Variants in PTGER3 observed in about 807,000 individuals in gnomAD.
PTGER3 encodes prostaglandin E2 receptor EP3 subtype.
In PTGER3, 22 loss-of-function variants were observed where a neutral mutation model predicts 34.7. The ratio of observed to expected loss-of-function variants is 0.63; its 90% CI spans 0.45 to 0.91. PTGER3 has a LOEUF of 0.91. Among genes scored for constraint, PTGER3 ranks in the 40% least tolerant of loss-of-function variants. PTGER3 has a pLI of 0.00. For missense variants in PTGER3, 468 were observed against 519.4 expected (o/e 0.90, Z 0.96); for synonymous variants, 241 against 230.1 (o/e 1.05, Z -0.43).
chr1:71,032,265 C>T (rs1374622808), intron 1 of PTGER3, among the ~76,000 whole-genome samples: 1 of 152,052 alleles, frequency 6.6e-6, no homozygotes, highest in Admixed American at 6.6e-5. Flanking sequence ...GGAAAATTCT[C>T]TGAGCCTGAA....
chr1:71,042,326 G>T (rs539315931), intron 1 of PTGER3, among the ~76,000 whole-genome samples: 1 of 150,938 alleles, frequency 6.6e-6, no homozygotes, highest in African/African-American at 2.4e-5. Flanking sequence ...ATGAAATGAG[G>T]TTATGCCAAT....
intron 2 of PTGER3, among the ~76,000 whole-genome samples, chr1:70,956,650 C>T (rs1651366084): frequency 6.6e-6 from 1 of 152,156 alleles, no homozygotes; most frequent in Non-Finnish European, 1.5e-5. Context: ...GTGCCAACAA[C>T]TGGACTATGG....
chr1:70,955,536 A>C (rs983284980), intron 2 of PTGER3, among the ~76,000 whole-genome samples: 4 of 152,112 alleles, frequency 2.6e-5, no homozygotes, highest in Non-Finnish European at 5.9e-5. Flanking sequence ...GAAGGGAGAG[A>C]GGGGAAAAGT....
intron 4 of PTGER3, among the ~76,000 whole-genome samples, chr1:70,864,015 C>T (rs1224229940): frequency 6.6e-6 from 1 of 152,012 alleles, no homozygotes; most frequent in Non-Finnish European, 1.5e-5. Flanking sequence ...GCAGTGGGGA[C>T]GATCATTCTT....
intron 1 of PTGER3, among the ~76,000 whole-genome samples, chr1:71,046,434 G>GC (rs1660821073): frequency 6.6e-6 from 1 of 152,144 alleles, no homozygotes; most frequent in African/African-American, 2.4e-5. Context: ...AATGTGAGCA[G>GC]CCCTGTGATC....
chr1:70,987,581 C>A (rs1655042497), intron 2 of PTGER3, among the ~76,000 whole-genome samples: 1 of 152,180 alleles, frequency 6.6e-6, no homozygotes, highest in African/African-American at 2.4e-5. Context: ...GATCTCTATG[C>A]ACTTCAGTGT....
intron 2 of PTGER3, among the ~76,000 whole-genome samples, chr1:71,004,363 T>C (rs1439408152): frequency 2.0e-5 from 3 of 152,174 alleles, no homozygotes. Flanking sequence ...TGAACTCTGT[T>C]ATCAAAATGT....
At chr1:70,864,588 T>C (rs1046576350) in intron 4 of PTGER3, among the ~76,000 whole-genome samples, 1 of 152,200 alleles carries the variant, frequency 6.6e-6, no homozygotes, top group African/African-American at 2.4e-5. Flanking sequence ...ATACCCTGTG[T>C]GTAAGACACT....
At chr1:70,884,870 GTCTT>G (rs1359166098) in intron 4 of PTGER3, among the ~76,000 whole-genome samples, 1 of 152,100 alleles carries the variant, frequency 6.6e-6, no homozygotes. Flanking sequence ...ATATTTAGGT[GTCTT>G]TCTATGTAAA....
chr1:70,868,752 T>C (rs35755730), intron 4 of PTGER3, among the ~76,000 whole-genome samples: 6,055 of 152,308 alleles, frequency 0.04, 263 homozygotes, highest in East Asian at 0.13. Flanking sequence ...AACTCATGCA[T>C]GAGTTCCAAT....
At chr1:71,040,306 A>T (rs1404149049) in intron 1 of PTGER3, among the ~76,000 whole-genome samples, 1 of 152,160 alleles carries the variant, frequency 6.6e-6, no homozygotes, top group East Asian at 1.9e-4. Context: ...TGGTTGCTCA[A>T]GTATTCAGTC....
intron 3 of PTGER3, chr1:70,953,734 C>T: frequency 6.5e-7 from 1 of 1,538,160 alleles, no homozygotes; most frequent in South Asian, 1.2e-5. Flanking sequence ...TCAAATGCAA[C>T]TAGTTTTAAT....
At position 70,856,471 on chromosome 1, in the gene PTGER3, T is replaced by C. The variant is rs529203595; in HGVS notation, c.*24-3612A>G. 1.1e-4 allele frequency among the ~76,000 whole-genome samples: 16 copies of C among 145,344 alleles called. No individual in the cohort carries two copies. The South Asian group carries it at 1.7e-3, about 16-fold the overall frequency. On this transcript the variant is annotated intron_variant, in intron 4 of 4. Transcript: ENST00000370931. The stretch of plus-strand genomic sequence containing the variant: ...AAAAAAAAAAAAAAGCAGACATTGA[T>C]AGTAACATCAGCATCAAAACAGAGT...
At chr1:70,888,753 ATT>A (rs61080121) in intron 4 of PTGER3, among the ~76,000 whole-genome samples, 7,399 of 149,986 alleles carry the variant, frequency 0.049, 423 homozygotes, top group East Asian at 0.22. Flanking sequence ...GAATTTGGGG[ATT>A]TTTTTTTTCT....
chr1:70,955,833 C>T (rs954001126), intron 2 of PTGER3, among the ~76,000 whole-genome samples: 1 of 152,190 alleles, frequency 6.6e-6, no homozygotes, highest in Non-Finnish European at 1.5e-5. Flanking sequence ...GAAATATATT[C>T]TAGGGTCACT....
chr1:70,934,705 A>T (rs1649037954), intron 4 of PTGER3, among the ~76,000 whole-genome samples: 1 of 152,178 alleles, frequency 6.6e-6, no homozygotes, highest in African/African-American at 2.4e-5. Context: ...AGATTTGCCT[A>T]CCTCAATGTG....
At chr1:70,919,981 G>A (rs1261168909) in intron 4 of PTGER3, among the ~76,000 whole-genome samples, 2 of 152,128 alleles carry the variant, frequency 1.3e-5, no homozygotes, top group South Asian at 2.1e-4. Flanking sequence ...AATTATAAAT[G>A]AGCTCTGGGT....
rs1419431259 is a variant in PTGER3 at position 71,006,300 on chromosome 1, T to A, written c.1077+6005A>T. The A allele has an allele frequency of 3.0e-6, 3 of 985,448 alleles. No homozygotes were observed. The East Asian group carries it at 3.4e-4, about 112-fold the overall frequency. The allele number at this position is 985,448 out of a possible 1,614,324, so 61.0% of individuals were successfully genotyped here. On this transcript the variant is annotated intron_variant, in intron 2 of 3. Transcript: ENST00000306666. ...CACGAAGAAAGAGGGATACTTTTAA[T>A]GAGCTTGACTTTGCAGTCTACATTT...
At chr1:70,864,707 G>A (rs1182970384) in intron 4 of PTGER3, among the ~76,000 whole-genome samples, 2 of 152,162 alleles carry the variant, frequency 1.3e-5, no homozygotes, top group East Asian at 1.9e-4. Context: ...TATAAGCCCA[G>A]TACTTTTTTG....
Sources: gnomAD v4.1 joint callset for allele counts (sites outside exome capture counted in the v4.1 genomes callset) on GRCh38, gnomAD v4.1.1 for gene constraint, MANE v1.5 for transcripts, NCBI Gene and HGNC (gene_info 2026-07-23, HGNC 2026-07-21) for gene names.